BCAS3: variants seen among roughly 807,000 people sequenced by gnomAD.
BCAS3 encodes BCAS4/BCAS3 fusion.
A neutral mutation model predicts 116.1 loss-of-function variants in BCAS3; 53 were observed. The observed-to-expected ratio is 0.46, with a 90% CI of 0.37 to 0.57. The LOEUF is 0.57. Ranked by LOEUF, BCAS3 falls within the 20% of genes least tolerant of loss-of-function variation. BCAS3 has a pLI of 0.00. For synonymous variants in BCAS3, 391 were observed against 408.2 expected (o/e 0.96, Z 0.51); for missense variants, 917 against 1,165.4 (o/e 0.79, Z 3.10).
intron 7 of BCAS3, among the ~76,000 whole-genome samples, chr17:60,860,663 G>A (rs1380879435): frequency 6.6e-6 from 1 of 152,130 alleles, no homozygotes; most frequent in Non-Finnish European, 1.5e-5. Context: ...TGTATACAGT[G>A]GAAAGATTTT....
At chr17:60,745,734 G>T (rs371051157) in intron 5 of BCAS3, among the ~76,000 whole-genome samples, 4 of 152,068 alleles carry the variant, frequency 2.6e-5, no homozygotes, top group African/African-American at 7.2e-5. Context: ...TGGTGCTATT[G>T]TTGCACAGTT....
At chr17:61,044,935 G>A (rs1411318558) in intron 19 of BCAS3, among the ~76,000 whole-genome samples, 3 of 151,662 alleles carry the variant, frequency 2.0e-5, no homozygotes, top group African/African-American at 7.3e-5. Context: ...CTAATTTTTT[G>A]TATTTTAGTA....
At chr17:60,898,535 G>A (rs2057665589) in intron 10 of BCAS3, among the ~76,000 whole-genome samples, 1 of 152,072 alleles carries the variant, frequency 6.6e-6, no homozygotes. Context: ...CTGTGGTGAA[G>A]TTTTGCTGGA....
At chr17:60,781,011 C>T (rs889683655) in intron 6 of BCAS3, among the ~76,000 whole-genome samples, 1 of 151,888 alleles carries the variant, frequency 6.6e-6, no homozygotes, top group African/African-American at 2.4e-5. Flanking sequence ...CTCTGTCCCC[C>T]AGGCTGGAGT....
rs10573405 is a variant in BCAS3, at chr17:60,850,345, GTTTTTTTTTTTTTT to G, written c.477-18215_477-18202del. Among the ~76,000 whole-genome samples the G allele has an allele frequency of 6.4e-4, 24 of 37,730 alleles. No individual in the cohort carries two copies. The East Asian group carries it at 0.01, about 16-fold the overall frequency. 24.8% of individuals were successfully genotyped at this position (37,730 alleles called of 152,430 possible). A position where few individuals can be genotyped will look rare whatever the true frequency, so the allele number is the denominator to read the frequency against. Reference sequence around the variant, plus strand: ...CCTCCCCCTAACTCCTGGCACCACTGTTTTTTTTTTTTTTTTTTTTTTTTTTTTTGAGATGGAGT... The same window carrying G: ...CCTCCCCCTAACTCCTGGCACCACTGTTTTTTTTTTTTTTTGAGATGGAGT... On this transcript the variant is annotated intron_variant, in intron 7 of 23. Transcript: ENST00000407086.
intron 22 of BCAS3, among the ~76,000 whole-genome samples, chr17:61,353,354 A>G (rs1457271498): frequency 2.0e-5 from 3 of 152,270 alleles, no homozygotes; most frequent in African/African-American, 7.2e-5. Context: ...GGTCTTATTA[A>G]AATGCAGCTG....
At chr17:60,725,719 C>T (rs2039755590) in intron 5 of BCAS3, among the ~76,000 whole-genome samples, 1 of 152,034 alleles carries the variant, frequency 6.6e-6, no homozygotes, top group Non-Finnish European at 1.5e-5. Flanking sequence ...TTGTTCAGTC[C>T]AAAACATCAG....
At chr17:61,298,968 A>T (rs1186190890) in intron 22 of BCAS3, among the ~76,000 whole-genome samples, 1 of 151,726 alleles carries the variant, frequency 6.6e-6, no homozygotes, top group Admixed American at 6.6e-5. Context: ...GATGAGAGGC[A>T]CCCTGCACCA....
intron 5 of BCAS3, among the ~76,000 whole-genome samples, chr17:60,736,886 C>T (rs2041025295): frequency 7.0e-6 from 1 of 142,070 alleles, no homozygotes; most frequent in African/African-American, 2.7e-5. Context: ...CCTTCCCTCC[C>T]TCCCTCCCTC....
chr17:61,205,402 A>C lies in BCAS3; in HGVS notation c.2425+120838A>C, dbSNP rs1376610653. On this transcript the variant is annotated intron_variant, in intron 22 of 23. Transcript: ENST00000407086. This position sits in a 1 kb window ranked among gnomAD's most constrained non-coding sequence, Gnocchi z 5.2. Reference sequence around the variant, plus strand: ...CAACAGAAGACCACCAGAATGAGGTATTTTCATTTCTGCATACTTCTAATT... The same window carrying C: ...CAACAGAAGACCACCAGAATGAGGTCTTTTCATTTCTGCATACTTCTAATT... Among the ~76,000 whole-genome samples, 2 of 152,182 alleles carry C rather than the reference A, an allele frequency of 1.3e-5. No individual in the cohort carries two copies. The highest frequency in any genetic ancestry group is 2.9e-5 in the Non-Finnish European group (2 of 68,026).
chr17:61,272,893 G>C (rs1355896656), intron 22 of BCAS3, among the ~76,000 whole-genome samples: 3 of 151,846 alleles, frequency 2.0e-5, no homozygotes, highest in Admixed American at 2.0e-4. Flanking sequence ...TCACGCTGGG[G>C]AGTCCCTTTG....
intron 14 of BCAS3, among the ~76,000 whole-genome samples, chr17:60,963,490 A>C (rs1215456937): frequency 6.6e-6 from 1 of 151,824 alleles, no homozygotes; most frequent in Non-Finnish European, 1.5e-5. Context: ...TAGCTATTAC[A>C]AATGGGATTG....
chr17:60,705,512 CAAAAAAA>C (rs1033436210), intron 4 of BCAS3, among the ~76,000 whole-genome samples: 24 of 61,866 alleles, frequency 3.9e-4, no homozygotes, highest in Admixed American at 1.2e-3. Context: ...AGACTTGTCT[CAAAAAAA>C]AAAAAAAAAA....
intron 8 of BCAS3, among the ~76,000 whole-genome samples, chr17:60,870,969 G>A (rs777557488): frequency 9.2e-5 from 14 of 152,070 alleles, no homozygotes; most frequent in Non-Finnish European, 4.4e-5. Flanking sequence ...CACAAGTTTT[G>A]ATAATTTGCC....
rs2056455825 is a variant in BCAS3 at position 61,333,465 on chromosome 17, C to T, written c.2426-34862C>T. Reference sequence around the variant, plus strand: ...CTCAGCATCACCAATAGCTCACCCTCCTGTCCACTCACATTGTGGCGCCCC... The same window carrying T: ...CTCAGCATCACCAATAGCTCACCCTTCTGTCCACTCACATTGTGGCGCCCC... On this transcript the variant is annotated intron_variant, in intron 22 of 23. Transcript: ENST00000407086. The surrounding 1 kb of genome is among the most constrained non-coding windows in gnomAD (Gnocchi z 4.8). Among the ~76,000 whole-genome samples, 1 of 152,158 alleles carries T rather than the reference C, an allele frequency of 6.6e-6. No individual in the cohort carries two copies.
chr17:61,366,528 C>G lies in BCAS3; in HGVS notation c.2426-1799C>G, dbSNP rs565751158. Among the ~76,000 whole-genome samples, 10 of 152,334 alleles carry G rather than the reference C, an allele frequency of 6.6e-5. No homozygotes were observed. The highest frequency in any genetic ancestry group is 2.0e-4 in the Admixed American group (3 of 15,308). The stretch of plus-strand genomic sequence containing the variant: ...GGTTGAGTGTTGGCTCTGAGCTTGG[C>G]ACTGCCAGTGCACAGCTCTAGCACA... On this transcript the variant is annotated intron_variant, in intron 22 of 23. Transcript: ENST00000407086. The surrounding 1 kb of genome is among the most constrained non-coding windows in gnomAD (Gnocchi z 4.5).
intron 16 of BCAS3, among the ~76,000 whole-genome samples, chr17:61,033,634 A>G (rs1288449114): frequency 1.3e-5 from 2 of 152,208 alleles, no homozygotes; most frequent in African/African-American, 4.8e-5. Flanking sequence ...ATTGGAGGCT[A>G]ACTAGCAGAG....
Position 61,215,543 on chromosome 17 carries a change from G to A in BCAS3, c.2425+130979G>A, listed in dbSNP as rs1360810687. Reference sequence around the variant, plus strand: ...GCATTCCAACATCTCCATAAAGTGCGAACCAAGATACATTATGCCACTGAC... The same window carrying A: ...GCATTCCAACATCTCCATAAAGTGCAAACCAAGATACATTATGCCACTGAC... On this transcript the variant is annotated intron_variant, in intron 22 of 23. Transcript: ENST00000407086. This position sits in a 1 kb window ranked among gnomAD's most constrained non-coding sequence, Gnocchi z 4.8. 2.0e-5 allele frequency among the ~76,000 whole-genome samples: 3 copies of A among 152,136 alleles called. No individual in the cohort carries two copies. The highest frequency in any genetic ancestry group is 6.5e-5 in the Admixed American group (1 of 15,278).
chr17:61,176,518 G>A (rs1037021474), intron 22 of BCAS3, among the ~76,000 whole-genome samples: 3 of 148,698 alleles, frequency 2.0e-5, no homozygotes, highest in African/African-American at 7.4e-5. Context: ...TGAAAATTGT[G>A]TAATGTCTAT....
Sources: allele counts gnomAD v4.1 joint callset (sites outside exome capture counted in the v4.1 genomes callset), GRCh38; gene constraint gnomAD v4.1.1; non-coding constraint Gnocchi (gnomAD v3.1); transcripts MANE v1.5; gene names NCBI Gene and HGNC (gene_info 2026-07-23, HGNC 2026-07-21).